The following ARHGDIB variants were observed in gnomAD, a reference collection of about 807,000 sequenced individuals.
ARHGDIB encodes the protein rho GDP-dissociation inhibitor 2.
A neutral mutation model predicts 22.6 loss-of-function variants in ARHGDIB; 20 were observed. The observed-to-expected ratio is 0.88, with a 90% CI of 0.62 to 1.28. The LOEUF (loss-of-function observed/expected upper bound fraction) is 1.28, where lower values mean the gene tolerates loss of function less well. Among genes scored for constraint, ARHGDIB ranks in the 50% most tolerant of loss-of-function variants. The pLI is 0.00. For synonymous variants in ARHGDIB, 114 were observed against 96.1 expected (o/e 1.19, Z -1.09); for missense variants, 254 against 245.4 (o/e 1.04, Z -0.23).
Position 14,952,932 on chromosome 12 carries a change from A to G in ARHGDIB, c.-12-2208T>C, listed in dbSNP as rs578048798. ...TTTCAATAACCTCCAGGAAATTGCA[A>G]CTATGCAGGCTCAAATCTCAATGTT... On this transcript the variant is annotated intron_variant, in intron 1 of 5. Coordinates refer to ENST00000228945, the MANE Select transcript of ARHGDIB (RefSeq NM_001175.7). Among the ~76,000 whole-genome samples, 5 of 152,340 alleles carry G rather than the reference A, an allele frequency of 3.3e-5. No homozygotes were observed. In the East Asian group the frequency reaches 9.6e-4, roughly 29 times the overall value.
intron 1 of ARHGDIB, among the ~76,000 whole-genome samples, chr12:14,959,157 G>A (rs1358085115): frequency 6.6e-6 from 1 of 152,150 alleles, no homozygotes; most frequent in Non-Finnish European, 1.5e-5. Context: ...GGTGGCTCAC[G>A]CCTTTAATCC....
intron 1 of ARHGDIB, 108 bp from the exon 2 acceptor site, chr12:14,950,832 A>T: frequency 2.5e-6 from 2 of 787,432 alleles, no homozygotes; most frequent in Middle Eastern, 3.1e-4. Flanking sequence ...TCTGATCATC[A>T]GTCACTTTCC....
intron 4 of ARHGDIB, among the ~76,000 whole-genome samples, chr12:14,946,176 T>C (rs988146917): frequency 2.0e-5 from 3 of 152,184 alleles, no homozygotes; most frequent in African/African-American, 7.2e-5. Context: ...CTATTGTGTC[T>C]CCCACTCCAG....
chr12:14,961,062 T>C (rs927354345), intron 1 of ARHGDIB: 2 of 152,162 alleles, frequency 1.3e-5, no homozygotes, highest in Non-Finnish European at 2.9e-5. Flanking sequence ...CATTTTTTTT[T>C]CTCTTTCAAC....
intron 1 of ARHGDIB, among the ~76,000 whole-genome samples, chr12:14,955,380 A>C (rs1864278124): frequency 6.6e-6 from 1 of 152,246 alleles, no homozygotes; most frequent in Non-Finnish European, 1.5e-5. Context: ...AGACATTCGC[A>C]ATGCATGTAT....
intron 1 of ARHGDIB, among the ~76,000 whole-genome samples, chr12:14,955,188 G>A (rs951898528): frequency 2.2e-4 from 33 of 152,128 alleles, no homozygotes; most frequent in African/African-American, 8.0e-4. Flanking sequence ...TAAGTGCTTG[G>A]CATGCATTAT....
chr12:14,949,789 T>C lies in ARHGDIB; in HGVS notation c.265+13A>G, dbSNP rs1159518320. 1.2e-6 allele frequency: 2 copies of C among 1,612,376 alleles called. No homozygotes were observed. Among genetic ancestry groups the C allele is most frequent in the African/African-American group, 2.7e-5 (2 of 74,850 alleles). ...TTAGGCCCCCTTTGAACAGTACAGA[T>C]GTGTCTACATACCAGTAAGGTCCAT... On this transcript the variant is annotated intron_variant, in intron 3 of 5. Transcript: ENST00000228945.
rs544977065 is a variant in ARHGDIB at position 14,946,676 on chromosome 12, C to T, written c.342+1197G>A. On this transcript the variant is annotated intron_variant, in intron 4 of 5. Transcript: ENST00000228945. ...ACCCACATACCACATTCCTCCTCCACCTCCCCATCCAGAGGAGAAGCCCCT... is the reference window on the plus strand; with the variant it reads ...ACCCACATACCACATTCCTCCTCCATCTCCCCATCCAGAGGAGAAGCCCCT... 4.2e-4 allele frequency among the ~76,000 whole-genome samples: 64 copies of T among 152,322 alleles called. 1 individual carries two copies. Among genetic ancestry groups the T allele is most frequent in the African/African-American group, 1.5e-3 (64 of 41,562 alleles).
chr12:14,942,745 AG>A (rs745791654), intron 5 of ARHGDIB, 24 bp from the exon 6 acceptor site: 3 of 1,607,626 alleles, frequency 1.9e-6, no homozygotes, highest in Non-Finnish European at 2.6e-6. Context: ...AGAGTTCATT[AG>A]GGTAAGAGCC....
intron 1 of ARHGDIB, 70 bp downstream of exon 1, chr12:14,961,467 C>G (rs1864409723): frequency 6.6e-6 from 1 of 152,218 alleles, no homozygotes; most frequent in South Asian, 2.1e-4. Flanking sequence ...GGCGGTAGCC[C>G]CGTCTAGAGG....
At chr12:14,944,683 ATC>A (rs1296228739) in intron 5 of ARHGDIB, 91 bp downstream of exon 5, 2 of 1,241,110 alleles carry the variant, frequency 1.6e-6, no homozygotes, top group Non-Finnish European at 2.3e-6. Context: ...TTGTATTCTC[ATC>A]TGAGTCTATA....
intron 3 of ARHGDIB, 35 bp downstream of exon 3, chr12:14,949,766 AG>A: frequency 1.3e-6 from 2 of 1,597,382 alleles, no homozygotes; most frequent in Non-Finnish European, 1.7e-6. Flanking sequence ...GTGATATCTT[AG>A]GCCCCCTTTG....
At chr12:14,944,284 A>C (rs1418455795) in intron 5 of ARHGDIB, among the ~76,000 whole-genome samples, 2 of 151,850 alleles carry the variant, frequency 1.3e-5, no homozygotes, top group East Asian at 3.9e-4. Flanking sequence ...CAATCCTAGA[A>C]AATATTTTTT....
intron 1 of ARHGDIB, among the ~76,000 whole-genome samples, chr12:14,957,045 C>T (rs1864315440): frequency 1.3e-5 from 2 of 152,156 alleles, no homozygotes; most frequent in South Asian, 4.1e-4. Context: ...AGGTAGAACT[C>T]CTGAGTTTAG....
At position 14,942,439 on chromosome 12, in the gene ARHGDIB, TGGACAGGGAGGAG is replaced by T; in HGVS notation, c.*70_*82del. 1.3e-5 allele frequency: 19 copies of T among 1,462,830 alleles called. No homozygotes were observed. The highest frequency in any genetic ancestry group is 1.8e-5 in the Non-Finnish European group (19 of 1,048,776). The allele number at this position is 1,462,830 out of a possible 1,614,324, so 90.6% of individuals were successfully genotyped here. The stretch of plus-strand genomic sequence containing the variant: ...GCAGTGTTGAAGAGGGACCCAGCTG[TGGACAGGGAGGAG>T]GGACAGGGTGCTGAACACGCCTGAG... On this transcript the variant is annotated 3_prime_UTR_variant, in exon 6 of 6. Transcript: ENST00000228945.
At chr12:14,943,880 C>T (rs556707462) in intron 5 of ARHGDIB, among the ~76,000 whole-genome samples, 30 of 152,280 alleles carry the variant, frequency 2.0e-4, no homozygotes, top group African/African-American at 6.5e-4. Context: ...TGAGGTGATA[C>T]GGGCTTTATG....
At chr12:14,947,608 G>T in intron 4 of ARHGDIB, 1 of 393,400 alleles carries the variant, frequency 2.5e-6, no homozygotes, top group Non-Finnish European at 4.6e-6. Context: ...TGTGCCTCGA[G>T]GATGTGTTTG....
chr12:14,954,006 T>G (rs1864244496), intron 1 of ARHGDIB, among the ~76,000 whole-genome samples: 1 of 151,526 alleles, frequency 6.6e-6, no homozygotes, highest in African/African-American at 2.4e-5. Flanking sequence ...TGAGGCATAG[T>G]TTTACTCTGT....
At chr12:14,948,088 A>G in intron 3 of ARHGDIB, 139 bp from the exon 4 acceptor site, 1 of 531,662 alleles carries the variant, frequency 1.9e-6, no homozygotes, top group Non-Finnish European at 3.4e-6. Context: ...AGAGTATTTG[A>G]GTTTAGTCCT....
Sources: allele counts gnomAD v4.1 joint callset (sites outside exome capture counted in the v4.1 genomes callset), GRCh38; gene constraint gnomAD v4.1.1; transcripts MANE v1.5; gene names NCBI Gene and HGNC (gene_info 2026-07-23, HGNC 2026-07-21).